CCDC171: variants seen among roughly 807,000 people sequenced by gnomAD.
CCDC171 encodes the protein coiled-coil domain-containing protein 171.
CCDC171 carries 177 observed loss-of-function variants against 168.2 expected under a neutral mutation model. That is an observed-to-expected ratio of 1.05 (90% CI 0.93 to 1.19). The LOEUF (loss-of-function observed/expected upper bound fraction) is 1.19. Ranked by LOEUF, CCDC171 falls within the 50% of genes most tolerant of loss-of-function variation. The pLI, the probability that CCDC171 is intolerant of heterozygous loss-of-function variation, is 0.00. For missense variants in CCDC171, 1,991 were observed against 1,539.0 expected, an observed-to-expected ratio of 1.29 and a Z score of -4.91; for synonymous variants, 687 against 540.8, an observed-to-expected ratio of 1.27 and a Z score of -3.75.
intron 1 of CCDC171, among the ~76,000 whole-genome samples, chr9:16,059,955 G>T (rs985244781): frequency 6.6e-6 from 1 of 152,012 alleles, no homozygotes; most frequent in Non-Finnish European, 1.5e-5. Flanking sequence ...GATGAAGTCT[G>T]GAACAGTTAA....
downstream of CCDC171, among the ~76,000 whole-genome samples, chr9:15,979,020 G>A (rs1831709136): frequency 1.3e-5 from 2 of 152,036 alleles, no homozygotes; most frequent in South Asian, 4.1e-4. Flanking sequence ...TTCCTTCATT[G>A]AGACTTAACA....
At chr9:16,067,218 A>G in the CCDC171 span, among the ~76,000 whole-genome samples, 13 of 152,062 alleles carry the variant, frequency 8.5e-5, no homozygotes, top group South Asian at 1.9e-3. Flanking sequence ...GCCAGTGATG[A>G]TGAGCATTTT....
intron 25 of CCDC171, among the ~76,000 whole-genome samples, chr9:15,923,344 A>G (rs1389890289): frequency 6.6e-6 from 1 of 151,400 alleles, no homozygotes; most frequent in Non-Finnish European, 1.5e-5. Flanking sequence ...AAATCTTGTC[A>G]TTTACGACAA....
Position 15,992,143 on chromosome 9 carries a change from A to G in CCDC171, n.369-28446A>G, listed in dbSNP as rs541799904. On this transcript the variant is annotated intron_variant and non_coding_transcript_variant, in intron 3 of 9. Transcript: ENST00000486641. ...CACAACAAAAAAAAGAGAATTTTAG[A>G]CCAATATCCCTGATGAACATCGATG... 6.6e-5 allele frequency among the ~76,000 whole-genome samples: 10 copies of G among 152,306 alleles called. No homozygotes were observed. In the South Asian group the frequency reaches 1.5e-3, roughly 22 times the overall value.
intron 3 of CCDC171, among the ~76,000 whole-genome samples, chr9:16,004,379 G>C (rs1564114106): frequency 6.6e-6 from 1 of 152,188 alleles, no homozygotes; most frequent in Non-Finnish European, 1.5e-5. Context: ...TCTTGAGAAG[G>C]CTGGAAAATT....
chr9:16,019,329 C>T (rs1833103707), intron 3 of CCDC171, among the ~76,000 whole-genome samples: 1 of 152,162 alleles, frequency 6.6e-6, no homozygotes. Context: ...TGATGGCTCC[C>T]ATCAAGTCCT....
chr9:16,047,388 C>T (rs527257086), intron 1 of CCDC171, among the ~76,000 whole-genome samples: 4 of 152,288 alleles, frequency 2.6e-5, no homozygotes, highest in East Asian at 3.9e-4. Context: ...TAATAAGCCT[C>T]GTTCTACCTC....
At chr9:15,839,490 A>T (rs1477024051) in intron 21 of CCDC171, among the ~76,000 whole-genome samples, 3 of 152,160 alleles carry the variant, frequency 2.0e-5, no homozygotes, top group Non-Finnish European at 4.4e-5. Context: ...ACTTTGGGGA[A>T]ATAACTTTTC....
At chr9:16,014,175 T>G (rs1449128469) in intron 3 of CCDC171, among the ~76,000 whole-genome samples, 2 of 152,258 alleles carry the variant, frequency 1.3e-5, no homozygotes, top group Non-Finnish European at 2.9e-5. Flanking sequence ...CTAAATCTTT[T>G]GTTTCATTTC....
chr9:15,831,341 A>G (rs1427028262), intron 21 of CCDC171, among the ~76,000 whole-genome samples: 2 of 152,208 alleles, frequency 1.3e-5, no homozygotes, highest in Middle Eastern at 3.2e-3. Flanking sequence ...CAAAGATAAA[A>G]TGCAAACAAA....
At chr9:15,790,046 G>T (rs1402778477) in intron 21 of CCDC171, among the ~76,000 whole-genome samples, 6 of 152,126 alleles carry the variant, frequency 3.9e-5, no homozygotes, top group Admixed American at 2.6e-4. Context: ...ATTGTGAATA[G>T]TGCCCAATAA....
At chr9:15,611,520 A>G (rs1279912174) in intron 6 of CCDC171, among the ~76,000 whole-genome samples, 1 of 152,148 alleles carries the variant, frequency 6.6e-6, no homozygotes, top group Non-Finnish European at 1.5e-5. Flanking sequence ...TCTCCTCCTT[A>G]TATTGCTATG....
At chr9:15,620,040 C>T (rs1277078476) in intron 6 of CCDC171, among the ~76,000 whole-genome samples, 1 of 152,238 alleles carries the variant, frequency 6.6e-6, no homozygotes, top group East Asian at 1.9e-4. Context: ...AAAAAAGATT[C>T]TTCTCAAAAT....
intron 21 of CCDC171, among the ~76,000 whole-genome samples, chr9:15,828,921 C>A (rs866577635): frequency 7.9e-5 from 12 of 152,114 alleles, no homozygotes; most frequent in Admixed American, 3.3e-4. Context: ...TCCTTCTTGA[C>A]TGGCATTTGG....
chr9:16,037,792 G>A (rs761273265), intron 8 of CCDC171, among the ~76,000 whole-genome samples: 3 of 152,002 alleles, frequency 2.0e-5, no homozygotes, highest in South Asian at 2.1e-4. Flanking sequence ...TCACAAAAAC[G>A]TAAACATGTG....
intron 18 of CCDC171, among the ~76,000 whole-genome samples, chr9:15,755,892 A>G (rs918959807): frequency 6.6e-6 from 1 of 152,070 alleles, no homozygotes; most frequent in African/African-American, 2.4e-5. Flanking sequence ...TAGTTGCACA[A>G]CTCTGTGAGT....
At chr9:16,052,893 C>G (rs1395288881) in intron 1 of CCDC171, among the ~76,000 whole-genome samples, 1 of 151,326 alleles carries the variant, frequency 6.6e-6, no homozygotes, top group African/African-American at 2.4e-5. Flanking sequence ...GTGAGTCTTT[C>G]CAGATTCCCT....
At chr9:15,701,348 T>G (rs1026658148) in intron 11 of CCDC171, among the ~76,000 whole-genome samples, 1 of 152,172 alleles carries the variant, frequency 6.6e-6, no homozygotes, top group African/African-American at 2.4e-5. Flanking sequence ...TCTCATATGT[T>G]TTTTCTAGTA....
At chr9:15,970,718 A>C (rs1326736048) in intron 25 of CCDC171, among the ~76,000 whole-genome samples, 1 of 152,198 alleles carries the variant, frequency 6.6e-6, no homozygotes, top group African/African-American at 2.4e-5. Flanking sequence ...GGATACCATC[A>C]GTGTTCTCAA....
Sources: allele counts gnomAD v4.1 joint callset (sites outside exome capture counted in the v4.1 genomes callset), GRCh38; gene constraint gnomAD v4.1.1; transcripts MANE v1.5; gene names NCBI Gene and HGNC (gene_info 2026-07-23, HGNC 2026-07-21).